Variants in CTNNA1 observed in about 807,000 individuals in gnomAD.
CTNNA1 encodes the protein catenin alpha-1.
CTNNA1 carries 37 observed loss-of-function variants against 98.4 expected under a neutral mutation model. That is an observed-to-expected ratio of 0.38 (90% CI 0.29 to 0.49). The LOEUF (loss-of-function observed/expected upper bound fraction) is 0.49, where lower values mean the gene tolerates loss of function less well. Ranked by LOEUF, CTNNA1 falls within the 20% of genes least tolerant of loss-of-function variation. CTNNA1 has a pLI of 0.95. For missense variants in CTNNA1, 761 were observed against 1,147.2 expected, an observed-to-expected ratio of 0.66 and a Z score of 4.86; for synonymous variants, 404 against 413.2, an observed-to-expected ratio of 0.98 and a Z score of 0.27.
intron 10 of CTNNA1, among the ~76,000 whole-genome samples, chr5:138,913,956 TC>T (rs1346110147): frequency 6.6e-5 from 10 of 152,014 alleles, no homozygotes; most frequent in Non-Finnish European, 1.3e-4. Flanking sequence ...GTTTAGGCAA[TC>T]CCCCCACCTC....
chr5:138,922,692 C>T (rs959148789), intron 11 of CTNNA1, among the ~76,000 whole-genome samples: 2 of 152,098 alleles, frequency 1.3e-5, no homozygotes, highest in African/African-American at 2.4e-5. Flanking sequence ...ACAGTGGACT[C>T]GCACCTCCCC....
intron 1 of CTNNA1, among the ~76,000 whole-genome samples, chr5:138,767,557 A>G (rs1262271967): frequency 2.0e-5 from 3 of 152,166 alleles, no homozygotes; most frequent in Non-Finnish European, 2.9e-5. Context: ...CACTTAGAAC[A>G]TTATACCTTC....
chr5:138,764,866 C>T (rs1272460408), intron 1 of CTNNA1, among the ~76,000 whole-genome samples: 1 of 99,824 alleles, frequency 1.0e-5, no homozygotes, highest in Non-Finnish European at 2.0e-5. Flanking sequence ...CTGTATCTCT[C>T]TCTTTTTTTT....
chr5:138,887,167 A>G (rs1217550076), intron 8 of CTNNA1, among the ~76,000 whole-genome samples: 1 of 152,148 alleles, frequency 6.6e-6, no homozygotes, highest in Non-Finnish European at 1.5e-5. Context: ...AGTTCAACCC[A>G]GAGCTGCTTT....
At chr5:138,783,574 G>T (rs1349074925) in intron 3 of CTNNA1, among the ~76,000 whole-genome samples, 1 of 152,132 alleles carries the variant, frequency 6.6e-6, no homozygotes, top group Non-Finnish European at 1.5e-5. Flanking sequence ...CAGTAACTTA[G>T]TTATTGGAGA....
intron 7 of CTNNA1, among the ~76,000 whole-genome samples, chr5:138,847,206 T>G (rs1762796960): frequency 6.6e-6 from 1 of 152,226 alleles, no homozygotes; most frequent in African/African-American, 2.4e-5. Context: ...ACTTTTTTGC[T>G]TCTATTGGGT....
At chr5:138,862,059 A>T (rs946133208) in intron 7 of CTNNA1, among the ~76,000 whole-genome samples, 5 of 152,248 alleles carry the variant, frequency 3.3e-5, no homozygotes, top group Non-Finnish European at 7.3e-5. Flanking sequence ...AATCTGGGTC[A>T]TAAGATCTGA....
chr5:138,789,454 TTTTTG>T (rs1477375802), intron 3 of CTNNA1, among the ~76,000 whole-genome samples: 1 of 150,930 alleles, frequency 6.6e-6, no homozygotes, highest in African/African-American at 2.4e-5. Context: ...GCAGGAGAGG[TTTTTG>T]TTTTGTTTTG....
At chr5:138,810,841 G>GCTC in intron 4 of CTNNA1, among the ~76,000 whole-genome samples, 1 of 152,300 alleles carries the variant, frequency 6.6e-6, no homozygotes, top group African/African-American at 2.4e-5. Flanking sequence ...GGGCAGAGGG[G>GCTC]CTCCTCACTT....
intron 7 of CTNNA1, among the ~76,000 whole-genome samples, chr5:138,855,087 G>A (rs577156997): frequency 6.6e-6 from 1 of 152,330 alleles, no homozygotes; most frequent in South Asian, 2.1e-4. Flanking sequence ...CACCCAGGCT[G>A]GCGTGCAGTA....
chr5:138,889,779 A>G (rs189193939), intron 9 of CTNNA1, among the ~76,000 whole-genome samples: 1 of 152,228 alleles, frequency 6.6e-6, no homozygotes, highest in East Asian at 1.9e-4. Flanking sequence ...GCATAACCAT[A>G]GGCTTTGTAG....
In CTNNA1 at chr5:138,933,930, T is replaced by C. The variant is rs2150359295; in HGVS notation, c.2562T>C (p.Leu854=). 4 of 1,614,110 alleles carry C rather than the reference T, an allele frequency of 2.5e-6. No homozygotes were observed. The highest frequency in any genetic ancestry group is 3.4e-6 in the Non-Finnish European group (4 of 1,180,012). The change falls in exon 18 of 18, where the codon CTT becomes CTC. Residue 854 remains leucine, a synonymous_variant. Coordinates refer to ENST00000302763, the MANE Select transcript of CTNNA1 (RefSeq NM_001903.5). ...CACAGGGTATGGCTTCCCTCAACCT[T>C]CCTGCTGTGTCATGGAAGATGAAGG... ...QKSQGMASLN[L]PAVSWKMKAP...
rs2149728158 is a variant in CTNNA1 at position 138,810,355 on chromosome 5, T to C, written c.468+151T>C. 9.0e-6 allele frequency: 7 copies of C among 775,246 alleles called. No individual in the cohort carries two copies. The South Asian group carries it at 1.3e-4, about 14-fold the overall frequency. 48.0% of individuals were successfully genotyped at this position (775,246 alleles called of 1,614,324 possible). ...ATGTTTTTGTTTAATTTCCACTTAC[T>C]CCTCTATTCCAAGTATATATCATCC... On this transcript the variant is annotated intron_variant, in intron 4 of 17. Transcript: ENST00000302763.
intron 3 of CTNNA1, among the ~76,000 whole-genome samples, chr5:138,794,252 G>A (rs1276043286): frequency 1.3e-5 from 2 of 152,010 alleles, no homozygotes; most frequent in Admixed American, 1.3e-4. Flanking sequence ...CCTGACCTCA[G>A]GTGATCGGCC....
chr5:138,760,461 T>C (rs1272761274), intron 1 of CTNNA1, among the ~76,000 whole-genome samples: 2 of 65,462 alleles, frequency 3.1e-5, no homozygotes, highest in Non-Finnish European at 5.8e-5. Flanking sequence ...CCTCCCAAGC[T>C]CAAAACGATT....
At chr5:138,898,870 A>G (rs1015761913) in intron 9 of CTNNA1, among the ~76,000 whole-genome samples, 1 of 152,144 alleles carries the variant, frequency 6.6e-6, no homozygotes, top group Non-Finnish European at 1.5e-5. Context: ...CACATTTTCC[A>G]TAAGATGAAA....
chr5:138,764,617 A>G (rs796291825), intron 1 of CTNNA1, among the ~76,000 whole-genome samples: 3 of 151,506 alleles, frequency 2.0e-5, no homozygotes, highest in African/African-American at 7.3e-5. Flanking sequence ...GATTACAGGC[A>G]TGCACCACCA....
rs142611642 is a variant in CTNNA1 at position 138,814,158 on chromosome 5, T to A, written c.588+1856T>A. Among the ~76,000 whole-genome samples, 976 of 152,304 alleles carry A rather than the reference T, an allele frequency of 6.4e-3. 7 individuals carry two copies. Among genetic ancestry groups the A allele is most frequent in the African/African-American group, 0.02 (851 of 41,562 alleles). On this transcript the variant is annotated intron_variant, in intron 5 of 17. Coordinates refer to ENST00000302763, the MANE Select transcript of CTNNA1 (RefSeq NM_001903.5). Reference sequence around the variant, plus strand: ...TAAGATGTGATCAGACTAACTTATATATGAGATCCTGGTTTTGCATTTCTA... The same window carrying A: ...TAAGATGTGATCAGACTAACTTATAAATGAGATCCTGGTTTTGCATTTCTA...
chr5:138,835,516 C>T (rs1269519227), intron 7 of CTNNA1, among the ~76,000 whole-genome samples: 4 of 152,136 alleles, frequency 2.6e-5, no homozygotes, highest in Admixed American at 6.6e-5. Context: ...TTTCTGTGAG[C>T]TGCCTAATAA....
Sources: allele counts gnomAD v4.1 joint callset (sites outside exome capture counted in the v4.1 genomes callset), GRCh38; gene constraint gnomAD v4.1.1; transcripts MANE v1.5; gene names NCBI Gene and HGNC (gene_info 2026-07-23, HGNC 2026-07-21).